RPL8: variants seen among roughly 807,000 people sequenced by gnomAD.
RPL8 encodes the protein large ribosomal subunit protein uL2.
For missense variants in RPL8, 248 were observed against 365.9 expected (o/e 0.68, Z 2.63); for synonymous variants, 182 against 143.2 (o/e 1.27, Z -1.94).
At chr8:144,791,694 T>A in intron 2 of RPL8, 79 bp downstream of exon 2, 2 of 1,594,024 alleles carry the variant, frequency 1.3e-6, no homozygotes, top group South Asian at 2.3e-5. Context: ...GGTTCCCATA[T>A]CGGCTTAGGA....
Position 144,790,400 on chromosome 8 carries a change from C to T in RPL8, c.570G>A (p.Lys190=). The change falls in exon 4 of 5, where the codon AAG becomes AAA. Residue 190 remains lysine (K), a synonymous_variant. Coordinates refer to ENST00000528957, the MANE Select transcript of RPL8 (RefSeq NM_001317782.2). ...LKAGRAYHKY[K]AKRNCWPRVR... Reference sequence around the variant, plus strand: ...CTCGTGGCCAGCAGTTCCTCTTTGCCTTATATTTGTGGTACGCCCGGCCAG... The same window carrying T: ...CTCGTGGCCAGCAGTTCCTCTTTGCTTTATATTTGTGGTACGCCCGGCCAG... 2 of 1,614,188 alleles carry T rather than the reference C, an allele frequency of 1.2e-6. No individual in the cohort carries two copies. The highest frequency in any genetic ancestry group is 1.7e-6 in the Non-Finnish European group (2 of 1,180,036).
rs777034727 is a variant in RPL8 at position 144,789,982 on chromosome 8, G to T, written c.616-20C>A. 1 of 1,593,950 alleles carries T rather than the reference G, an allele frequency of 6.3e-7. No individual in the cohort carries two copies. ...CACAGGCTGCAGGCAGAGAAAGATG[G>T]CTTTAGAAACCTCTTCCCCACCACC... On this transcript the variant is annotated intron_variant, in intron 4 of 4. Coordinates refer to ENST00000528957, the MANE Select transcript of RPL8 (RefSeq NM_001317782.2).
chr8:144,790,421 G>A lies in RPL8; in HGVS notation c.549C>T (p.Gly183=), dbSNP rs891205058. 11 of 1,614,098 alleles carry A rather than the reference G, an allele frequency of 6.8e-6. No individual in the cohort carries two copies. Among genetic ancestry groups the A allele is most frequent in the Middle Eastern group, 1.6e-4 (1 of 6,062 alleles). The change falls in exon 4 of 5, where the codon GGC becomes GGT. Residue 183 remains glycine, a synonymous_variant. Coordinates refer to ENST00000528957, the MANE Select transcript of RPL8 (RefSeq NM_001317782.2). ...TTGCCTTATATTTGTGGTACGCCCG[G>A]CCAGCCTTCAAGATGGGTTTGTCAA... is the stretch of plus-strand genomic sequence containing the variant. ...GRIDKPILKA[G]RAYHKYKAKR... is the part of the protein sequence containing the mutation.
rs754924690 is a variant in RPL8, at chr8:144,790,424, A to G, written c.546T>C (p.Ala182=). ...GGRIDKPILK[A]GRAYHKYKAK... The stretch of plus-strand genomic sequence containing the variant: ...CCTTATATTTGTGGTACGCCCGGCC[A>G]GCCTTCAAGATGGGTTTGTCAATTC... The change falls in exon 4 of 5, where the codon GCT becomes GCC. Residue 182 remains alanine, a synonymous_variant. Transcript: ENST00000528957. 1.2e-6 allele frequency: 2 copies of G among 1,614,104 alleles called. No homozygotes were observed. Among genetic ancestry groups the G allele is most frequent in the South Asian group, 2.2e-5 (2 of 91,080 alleles).
In RPL8 at chr8:144,791,007, G is replaced by A. The variant is rs568995940; in HGVS notation, c.499+270C>T. 92 of 527,582 alleles carry A rather than the reference G, an allele frequency of 1.7e-4. 1 individual carries two copies. The Admixed American group carries it at 2.7e-3, about 16-fold the overall frequency. 32.7% of individuals were successfully genotyped at this position (527,582 alleles called of 1,614,324 possible). A position where few individuals can be genotyped will look rare whatever the true frequency, so the allele number is the denominator to read the frequency against. On this transcript the variant is annotated intron_variant, in intron 3 of 4. Coordinates refer to ENST00000528957, the MANE Select transcript of RPL8 (RefSeq NM_001317782.2). ...TGTTAACCAACTGCATGCAAGTGCA[G>A]CAATCAGGAAGCCCACGGTAGAATC...
Position 144,791,308 on chromosome 8 carries a change from C to T in RPL8, c.468G>A (p.Lys156=), listed in dbSNP as rs759321964. 1.9e-6 allele frequency: 3 copies of T among 1,612,248 alleles called. No homozygotes were observed. Among genetic ancestry groups the T allele is most frequent in the East Asian group, 4.5e-5 (2 of 44,892 alleles). ...TRVKLPSGSK[K]VISSANRAVV... is the part of the protein sequence containing the mutation. ...CAGCTCTGTTGGCTGAGGAGATAACCTTCTTGGAGCCGGAGGGCAGCTTCA... is the reference window on the plus strand; with the variant it reads ...CAGCTCTGTTGGCTGAGGAGATAACTTTCTTGGAGCCGGAGGGCAGCTTCA... The change falls in exon 3 of 5, where the codon AAG becomes AAA. Residue 156 remains lysine (K), a synonymous_variant. Coordinates refer to ENST00000528957, the MANE Select transcript of RPL8 (RefSeq NM_001317782.2).
In RPL8 at chr8:144,792,278, A is replaced by G; in HGVS notation, c.-149T>C. The G allele has an allele frequency of 8.6e-7, 1 of 1,158,342 alleles. No individual in the cohort carries two copies. The highest frequency in any genetic ancestry group is 1.1e-6 in the Non-Finnish European group (1 of 885,332). 71.8% of individuals were successfully genotyped at this position (1,158,342 alleles called of 1,614,324 possible). ...CGGGCGCCCGCACCGGCATCCTCTC[A>G]GGAGGGCCGGTCCGGGTCTCAGCGC... On this transcript the variant is annotated 5_prime_UTR_variant, in exon 1 of 5. Coordinates refer to ENST00000528957, the MANE Select transcript of RPL8 (RefSeq NM_001317782.2).
Position 144,792,147 on chromosome 8 carries a change from G to A in RPL8, c.-18C>T. 6.7e-7 allele frequency: 1 copy of A among 1,490,118 alleles called. No individual in the cohort carries two copies. The highest frequency in any genetic ancestry group is 8.9e-7 in the Non-Finnish European group (1 of 1,128,214). 92.3% of individuals were successfully genotyped at this position (1,490,118 alleles called of 1,614,324 possible). A position where few individuals can be genotyped will look rare whatever the true frequency, so the allele number is the denominator to read the frequency against. ...CGGCCCATGGCGACGGGTCCTGGGG[G>A]CGACTCACGATTAGCGCGGCCGGGC... On this transcript the variant is annotated 5_prime_UTR_variant, in exon 1 of 5. Coordinates refer to ENST00000528957, the MANE Select transcript of RPL8 (RefSeq NM_001317782.2).
At chr8:144,790,834 C>G in intron 3 of RPL8, 1 of 542,640 alleles carries the variant, frequency 1.8e-6, no homozygotes. Flanking sequence ...ACCTCAGAGC[C>G]TCCCCTGTGC....
chr8:144,791,051 G>T (rs1464533898), intron 3 of RPL8: 1 of 574,750 alleles, frequency 1.7e-6, no homozygotes, highest in East Asian at 3.0e-5. Flanking sequence ...TGGTGACTTC[G>T]TCCCAATCTC....
Position 144,791,509 on chromosome 8 carries a change from C to T in RPL8, c.281-14G>A, listed in dbSNP as rs562530966. 1.2e-5 allele frequency: 20 copies of T among 1,612,036 alleles called. No individual in the cohort carries two copies. In the Admixed American group the frequency reaches 2.7e-4, roughly 22 times the overall value. Reference sequence around the variant, plus strand: ...TGTTGAGCTGGGCTGCAAGGGGAAGCAGCATCAGGCCGTCAGCACAGTAAG... The same window carrying T: ...TGTTGAGCTGGGCTGCAAGGGGAAGTAGCATCAGGCCGTCAGCACAGTAAG... On this transcript the variant is annotated splice_polypyrimidine_tract_variant and intron_variant, in intron 2 of 4. Coordinates refer to ENST00000528957, the MANE Select transcript of RPL8 (RefSeq NM_001317782.2).
intron 3 of RPL8, 85 bp from the exon 4 acceptor site, chr8:144,790,555 A>G (rs563746967): frequency 9.6e-7 from 1 of 1,039,558 alleles, no homozygotes; most frequent in East Asian, 2.4e-5. Flanking sequence ...GCACCTTCCC[A>G]ATACTGCATC....
Position 144,790,478 on chromosome 8 carries a change from G to C in RPL8, c.500-8C>G. ...CACCTCCAGCCACCACACCTGTAGGGGATCAGATACCTCAGGGAACCCCCA... is the reference window on the plus strand; with the variant it reads ...CACCTCCAGCCACCACACCTGTAGGCGATCAGATACCTCAGGGAACCCCCA... On this transcript the variant is annotated splice_region_variant and splice_polypyrimidine_tract_variant and intron_variant, in intron 3 of 4. Coordinates refer to ENST00000528957, the MANE Select transcript of RPL8 (RefSeq NM_001317782.2). The C allele has an allele frequency of 1.9e-6, 3 of 1,608,964 alleles. No individual in the cohort carries two copies. The highest frequency in any genetic ancestry group is 1.7e-6 in the Non-Finnish European group (2 of 1,175,502).
At chr8:144,790,499 C>T in intron 3 of RPL8, 29 bp from the exon 4 acceptor site, 1 of 1,573,280 alleles carries the variant, frequency 6.4e-7, no homozygotes, top group Non-Finnish European at 8.7e-7. Context: ...CTCAGGGAAC[C>T]CCCAGTCGGT....
At chr8:144,790,600 C>T (rs1826471691) in intron 3 of RPL8, 130 bp from the exon 4 acceptor site, 1 of 734,050 alleles carries the variant, frequency 1.4e-6, no homozygotes, top group Admixed American at 2.0e-5. Context: ...CGCCTCCACC[C>T]TAGGGAGCCC....
rs1826509635 is a variant in RPL8 at position 144,791,408 on chromosome 8, C to G, written c.368G>C (p.Arg123Pro). The change falls in exon 3 of 5, where the codon CGT becomes CCT. Residue 123 changes from arginine to proline, a missense_variant. Coordinates refer to ENST00000528957, the MANE Select transcript of RPL8 (RefSeq NM_001317782.2). ...VCCLEEKPGDRGKLARASGNY... is the reference protein window; with the variant it reads ...VCCLEEKPGDPGKLARASGNY... ...CCCTGATGCCCGGGCCAGCTTGCCA[C>G]GGTCTCCAGGCTTCTCCTCCAGGCA... 6.2e-7 allele frequency: 1 copy of G among 1,613,868 alleles called. No homozygotes were observed. The highest frequency in any genetic ancestry group is 1.3e-5 in the African/African-American group (1 of 74,922).
intron 4 of RPL8, 136 bp from the exon 5 acceptor site, chr8:144,790,098 GCTGA>G (rs1826446629): frequency 2.7e-6 from 3 of 1,129,872 alleles, no homozygotes; most frequent in East Asian, 2.6e-5. Flanking sequence ...CCCCAGTCAG[GCTGA>G]CTCTTTCCAG....
chr8:144,790,057 G>A (rs1407701378), intron 4 of RPL8, 95 bp from the exon 5 acceptor site: 2 of 1,419,048 alleles, frequency 1.4e-6, no homozygotes, highest in Admixed American at 2.5e-5. Flanking sequence ...ATTCCGCGAA[G>A]CCCCTCTCCA....
intron 2 of RPL8, 47 bp downstream of exon 2, chr8:144,791,726 C>A (rs911825307): frequency 3.1e-6 from 5 of 1,611,296 alleles, no homozygotes; most frequent in Non-Finnish European, 4.2e-6. Flanking sequence ...CAGGCAACAC[C>A]CAGACCCCTC....
Sources: gnomAD v4.1 joint callset for allele counts on GRCh38, gnomAD v4.1.1 for gene constraint, MANE v1.5 for transcripts, NCBI Gene and HGNC (gene_info 2026-07-23, HGNC 2026-07-21) for gene names.